Variants in XKR9 observed in about 807,000 individuals in gnomAD.
XKR9 encodes XK related 9, also known as XK-related protein 9.
A neutral mutation model predicts 32.0 loss-of-function variants in XKR9; 32 were observed. That is an observed-to-expected ratio of 1.00 (90% CI 0.76 to 1.34). The LOEUF (loss-of-function observed/expected upper bound fraction) is 1.34, where lower values mean the gene tolerates loss of function less well. Among genes scored for constraint, XKR9 ranks in the 40% most tolerant of loss-of-function variants. The pLI is 0.00. For synonymous variants in XKR9, 168 were observed against 143.4 expected (o/e 1.17, Z -1.22); for missense variants, 546 against 429.7 (o/e 1.27, Z -2.39).
chr8:70,751,836 C>T (rs1277295266), intron 2 of XKR9, among the ~76,000 whole-genome samples: 1 of 152,166 alleles, frequency 6.6e-6, no homozygotes, highest in African/African-American at 2.4e-5. Context: ...CACCTTTGAA[C>T]TTGGACTGAG....
intron 1 of XKR9, among the ~76,000 whole-genome samples, chr8:70,672,319 A>C (rs1174881296): frequency 8.4e-6 from 1 of 119,630 alleles, no homozygotes; most frequent in African/African-American, 2.8e-5. Flanking sequence ...ACTTCAAACT[A>C]TACTACAAGG....
chr8:70,839,293 A>C, the XKR9 span, among the ~76,000 whole-genome samples: 3 of 152,148 alleles, frequency 2.0e-5, no homozygotes, highest in Non-Finnish European at 4.4e-5. Context: ...ATGCTTTCAG[A>C]AAATTTCACT....
At chr8:70,700,569 A>G (rs1805484837) in intron 3 of XKR9, among the ~76,000 whole-genome samples, 1 of 152,100 alleles carries the variant, frequency 6.6e-6, no homozygotes. Flanking sequence ...GTACCCAGCC[A>G]TGTGAGGTGT....
intron 2 of XKR9, among the ~76,000 whole-genome samples, chr8:70,775,809 A>G (rs535582129): frequency 6.6e-6 from 1 of 151,954 alleles, no homozygotes; most frequent in South Asian, 2.1e-4. Flanking sequence ...CAGTGGCGCA[A>G]TCATGGCTCA....
At chr8:70,958,595 AC>A in the XKR9 span, among the ~76,000 whole-genome samples, 1 of 152,066 alleles carries the variant, frequency 6.6e-6, no homozygotes, top group Non-Finnish European at 1.5e-5. Context: ...TGGATATTCG[AC>A]CTTTGTCAAA....
the XKR9 span, among the ~76,000 whole-genome samples, chr8:70,812,322 C>G: frequency 6.6e-6 from 1 of 152,162 alleles, no homozygotes; most frequent in Non-Finnish European, 1.5e-5. Context: ...ACGACAAACC[C>G]ACAGCCAATA....
At chr8:70,814,354 A>G in the XKR9 span, among the ~76,000 whole-genome samples, 1 of 152,160 alleles carries the variant, frequency 6.6e-6, no homozygotes, top group African/African-American at 2.4e-5. Flanking sequence ...ATGATGAGTT[A>G]GTGGGTGCAG....
chr8:70,966,617 T>C, the XKR9 span, among the ~76,000 whole-genome samples: 1 of 152,230 alleles, frequency 6.6e-6, no homozygotes, highest in South Asian at 2.1e-4. Context: ...TGGAGATTTT[T>C]GTAGATATCT....
At chr8:70,709,060 C>G (rs975468405) in intron 4 of XKR9, among the ~76,000 whole-genome samples, 1 of 152,124 alleles carries the variant, frequency 6.6e-6, no homozygotes, top group African/African-American at 2.4e-5. Context: ...AAAATACTAT[C>G]AAATGAAATC....
the XKR9 span, among the ~76,000 whole-genome samples, chr8:70,836,060 A>G: frequency 1.3e-5 from 2 of 152,038 alleles, no homozygotes; most frequent in African/African-American, 4.8e-5. Flanking sequence ...GTCCTTTTAC[A>G]TATCTTTCCA....
the XKR9 span, among the ~76,000 whole-genome samples, chr8:71,020,834 G>A: frequency 0.43 from 65,823 of 151,982 alleles, 15,298 homozygotes; most frequent in Non-Finnish European, 0.53. Flanking sequence ...ACCCTACTTT[G>A]CTATCAAACA....
intron 4 of XKR9, among the ~76,000 whole-genome samples, chr8:70,723,433 T>G (rs148713778): frequency 3.9e-5 from 6 of 152,340 alleles, no homozygotes; most frequent in African/African-American, 1.4e-4. Flanking sequence ...ATTCCTCATC[T>G]TCGTGGATTT....
At chr8:70,690,848 C>T (rs544014593) in intron 3 of XKR9, among the ~76,000 whole-genome samples, 34 of 152,198 alleles carry the variant, frequency 2.2e-4, no homozygotes, top group African/African-American at 8.2e-4. Context: ...TTAGGTGATT[C>T]TGTGTCTTTG....
chr8:70,851,562 A>G, the XKR9 span, among the ~76,000 whole-genome samples: 2 of 152,220 alleles, frequency 1.3e-5, no homozygotes, highest in African/African-American at 4.8e-5. Context: ...CCAAAACAGC[A>G]TGGTACTGGA....
At chr8:70,754,095 C>G (rs200094558) in intron 2 of XKR9, among the ~76,000 whole-genome samples, 1 of 143,096 alleles carries the variant, frequency 7.0e-6, no homozygotes, top group African/African-American at 2.5e-5. Context: ...ATGTACAAAA[C>G]TCACAAGCAT....
intron 2 of XKR9, among the ~76,000 whole-genome samples, chr8:70,753,879 C>T (rs1047413734): frequency 1.4e-5 from 2 of 148,138 alleles, no homozygotes; most frequent in Admixed American, 6.9e-5. Context: ...CCTCTCTCAC[C>T]ACTCCTATTC....
chr8:70,751,165 G>C lies in XKR9; in HGVS notation n.353-38174G>C, dbSNP rs559579382. 2.0e-5 allele frequency among the ~76,000 whole-genome samples: 3 copies of C among 152,260 alleles called. No homozygotes were observed. The South Asian group carries it at 6.2e-4, about 32-fold the overall frequency. On this transcript the variant is annotated intron_variant and non_coding_transcript_variant, in intron 2 of 3. Coordinates refer to the XKR9 transcript ENST00000520273. ...TATTTTTGAGATGGAATCTCACTCTGTCGCCCAGGCTGGAGTGCAGTGGCG... is the reference window on the plus strand; with the variant it reads ...TATTTTTGAGATGGAATCTCACTCTCTCGCCCAGGCTGGAGTGCAGTGGCG...
the XKR9 span, among the ~76,000 whole-genome samples, chr8:71,026,398 C>T: frequency 6.6e-6 from 1 of 152,178 alleles, no homozygotes; most frequent in Non-Finnish European, 1.5e-5. Context: ...TATCGAGCAT[C>T]TACTATGTCT....
the XKR9 span, among the ~76,000 whole-genome samples, chr8:70,900,324 T>A: frequency 6.6e-6 from 1 of 152,162 alleles, no homozygotes; most frequent in Non-Finnish European, 1.5e-5. Flanking sequence ...GGTGCAGTGC[T>A]CGCGCTTGTA....
Sources: allele counts gnomAD v4.1 joint callset (sites outside exome capture counted in the v4.1 genomes callset), GRCh38; gene constraint gnomAD v4.1.1; transcripts MANE v1.5; gene names NCBI Gene and HGNC (gene_info 2026-07-23, HGNC 2026-07-21).